PTPRG: variants seen among roughly 807,000 people sequenced by gnomAD.
PTPRG encodes the protein receptor-type tyrosine-protein phosphatase gamma.
A neutral mutation model predicts 165.3 loss-of-function variants in PTPRG; 102 were observed. The ratio of observed to expected loss-of-function variants is 0.62; its 90% confidence interval spans 0.53 to 0.73. The LOEUF is 0.73. Among genes scored for constraint, PTPRG ranks in the 30% least tolerant of loss-of-function variants. PTPRG has a pLI of 0.00. For missense variants in PTPRG, 1,866 were observed against 1,861.4 expected (o/e 1.00, Z -0.05); for synonymous variants, 675 against 669.5 (o/e 1.01, Z -0.13).
At chr3:61,642,610 A>G (rs988571961) in intron 1 of PTPRG, among the ~76,000 whole-genome samples, 6 of 151,760 alleles carry the variant, frequency 4.0e-5, no homozygotes, top group South Asian at 2.1e-4. Context: ...GTGAATGGAC[A>G]TTGACTCAAG....
At position 62,132,617 on chromosome 3, in the gene PTPRG, A is replaced by G; in HGVS notation, c.631A>G (p.Asn211Asp). ...AIFFQVSPRD[N>D]SALDPIIHGL... The stretch of plus-strand genomic sequence containing the variant: ...TTACATTTAGGTCAGTCCGAGGGAC[A>G]ATTCTGCACTGGATCCTATTATCCA... The change falls in exon 6 of 30, where the codon AAT (asparagine) becomes GAT (aspartate). Residue 211 changes from asparagine to aspartate, a missense_variant. By Grantham distance (23) the Asn-to-Asp change is conservative (BLOSUM62 1). Transcript: ENST00000474889. 4 of 1,611,548 alleles carry G rather than the reference A, an allele frequency of 2.5e-6. No homozygotes were observed. Among genetic ancestry groups the G allele is most frequent in the Non-Finnish European group, 3.4e-6 (4 of 1,177,634 alleles).
chr3:61,931,990 C>G (rs2039373686), intron 2 of PTPRG, among the ~76,000 whole-genome samples: 1 of 152,204 alleles, frequency 6.6e-6, no homozygotes, highest in Admixed American at 6.5e-5. Context: ...TTATTGTACT[C>G]ATGACATTCA....
At chr3:61,862,021 C>A (rs591988) in intron 2 of PTPRG, among the ~76,000 whole-genome samples, 71 of 152,008 alleles carry the variant, frequency 4.7e-4, no homozygotes, top group African/African-American at 1.6e-3. Context: ...TCCAACTCCA[C>A]GGATTGGTAC....
intron 1 of PTPRG, among the ~76,000 whole-genome samples, chr3:61,622,666 A>C (rs1448791924): frequency 1.3e-5 from 2 of 152,156 alleles, no homozygotes. Flanking sequence ...TTATAACTGA[A>C]CAAGGTAAAA....
chr3:61,947,021 G>T (rs1342386017), intron 2 of PTPRG, among the ~76,000 whole-genome samples: 1 of 152,212 alleles, frequency 6.6e-6, no homozygotes, highest in East Asian at 1.9e-4. Flanking sequence ...AAGAGTTTCA[G>T]AGGTTTCCAG....
intron 2 of PTPRG, among the ~76,000 whole-genome samples, chr3:61,956,714 G>A (rs1487960397): frequency 2.0e-5 from 3 of 152,142 alleles, no homozygotes; most frequent in Admixed American, 6.5e-5. Flanking sequence ...TCTCATATGC[G>A]TATATTGAGA....
At chr3:61,839,005 T>G (rs1402991425) in intron 2 of PTPRG, among the ~76,000 whole-genome samples, 1 of 152,214 alleles carries the variant, frequency 6.6e-6, no homozygotes, top group Non-Finnish European at 1.5e-5. Flanking sequence ...CAAAGCTTTA[T>G]GAATTCAATA....
chr3:61,650,460 C>T (rs1180467606), intron 1 of PTPRG, among the ~76,000 whole-genome samples: 6 of 152,112 alleles, frequency 3.9e-5, no homozygotes, highest in African/African-American at 9.7e-5. Context: ...GATTGAGTCC[C>T]GGCCAGGAGA....
chr3:61,986,672 T>C (rs554686099), intron 2 of PTPRG, among the ~76,000 whole-genome samples: 1 of 152,256 alleles, frequency 6.6e-6, no homozygotes, highest in East Asian at 1.9e-4. Flanking sequence ...CTCTTCCCTT[T>C]TGAGAACACG....
chr3:61,655,361 AATCCTGT>A (rs1230067539), intron 1 of PTPRG, among the ~76,000 whole-genome samples: 3 of 152,140 alleles, frequency 2.0e-5, no homozygotes, highest in African/African-American at 7.2e-5. Flanking sequence ...GATATTCATT[AATCCTGT>A]AGATTAAGAT....
At position 62,281,721 on chromosome 3, in the gene PTPRG, C is replaced by T. The variant is rs1333563846; in HGVS notation, c.3912+12C>T. 6.2e-7 allele frequency: 1 copy of T among 1,604,844 alleles called. No individual in the cohort carries two copies. On this transcript the variant is annotated intron_variant, in intron 27 of 29. Transcript: ENST00000474889. The stretch of plus-strand genomic sequence containing the variant: ...TTGAAGCTACACAGGTAACCTAAAC[C>T]TCAGTTCCTCACTAATAGCCATACC...
At chr3:61,910,401 C>T (rs1184107985) in intron 2 of PTPRG, among the ~76,000 whole-genome samples, 4 of 152,180 alleles carry the variant, frequency 2.6e-5, no homozygotes, top group Non-Finnish European at 2.9e-5. Context: ...CTCATTGCCT[C>T]GTATCCTAAT....
intron 2 of PTPRG, among the ~76,000 whole-genome samples, chr3:61,884,031 C>T (rs747437131): frequency 1.3e-5 from 2 of 152,136 alleles, no homozygotes; most frequent in African/African-American, 2.4e-5. Context: ...GTTTTCTTTG[C>T]TTACAAGCTT....
chr3:62,288,378 A>C (rs981832522), intron 28 of PTPRG, among the ~76,000 whole-genome samples: 2 of 152,204 alleles, frequency 1.3e-5, no homozygotes, highest in African/African-American at 2.4e-5. Flanking sequence ...GCTACATTAA[A>C]AACATTCAAG....
intron 4 of PTPRG, among the ~76,000 whole-genome samples, chr3:62,017,929 C>T (rs2041592414): frequency 6.6e-6 from 1 of 152,174 alleles, no homozygotes; most frequent in South Asian, 2.1e-4. Context: ...CAGTTTCATT[C>T]ATGAGCCAAG....
chr3:61,995,694 T>G (rs867132126), intron 3 of PTPRG, among the ~76,000 whole-genome samples: 5,075 of 76,764 alleles, frequency 0.066, 346 homozygotes, highest in Non-Finnish European at 0.084. Flanking sequence ...CTTCCTTCCT[T>G]CCTTCCTTCC....
At chr3:62,287,634 G>A (rs1295326349) in intron 28 of PTPRG, among the ~76,000 whole-genome samples, 1 of 152,032 alleles carries the variant, frequency 6.6e-6, no homozygotes, top group African/African-American at 2.4e-5. Context: ...TAAAATACAG[G>A]TTAAAGAGGA....
intron 1 of PTPRG, among the ~76,000 whole-genome samples, chr3:61,624,754 A>G (rs1040573110): frequency 1.3e-5 from 2 of 151,564 alleles, no homozygotes; most frequent in African/African-American, 4.9e-5. Context: ...TAGTGCATAC[A>G]CAGTACTTAC....
intron 1 of PTPRG, among the ~76,000 whole-genome samples, chr3:61,692,633 G>A (rs1237125587): frequency 6.6e-6 from 1 of 152,142 alleles, no homozygotes; most frequent in Non-Finnish European, 1.5e-5. Flanking sequence ...AAGGAAAAAC[G>A]GGGGTTGTTC....
Sources: allele counts gnomAD v4.1 joint callset (sites outside exome capture counted in the v4.1 genomes callset), GRCh38; gene constraint gnomAD v4.1.1; transcripts MANE v1.5; gene names NCBI Gene and HGNC (gene_info 2026-07-23, HGNC 2026-07-21).